The following MED16 variants were observed in gnomAD, a reference collection of about 807,000 sequenced individuals.
MED16 encodes mediator complex subunit 16.
A neutral mutation model predicts 84.4 loss-of-function variants in MED16; 81 were observed. That is an observed-to-expected ratio of 0.96 (90% CI 0.80 to 1.15). The LOEUF is 1.15. MED16 is among the 50% of genes most tolerant of loss of function. The pLI is 0.00. For synonymous variants in MED16, 897 were observed against 552.2 expected (o/e 1.62, Z -8.76); for missense variants, 1,585 against 1,245.9 (o/e 1.27, Z -4.10).
chr19:869,391 TG>T (rs1275554315), intron 13 of MED16, among the ~76,000 whole-genome samples: 1 of 123,542 alleles, frequency 8.1e-6, no homozygotes, highest in Non-Finnish European at 1.6e-5. Context: ...GACAAGATTC[TG>T]GTGGCAAAAG....
In MED16 at chr19:871,144, G is replaced by T; in HGVS notation, c.2208C>A (p.Asp736Glu). Residue 736 changes from aspartate (D) to glutamate (E), a missense_variant, in exon 13 of 16, where the codon GAC becomes GAA. Asp to Glu is a conservative substitution (Grantham distance 45). Coordinates refer to ENST00000325464, the MANE Select transcript of MED16 (RefSeq NM_005481.3). The stretch of plus-strand genomic sequence containing the variant: ...TGGGCTGCAGGCGGCTAACCAGGCC[G>T]TCGCTGGCTGGCAGCCAGTCCAGGC... ...IPSLDWLPAS[D>E]GLVSRLQPKQ... The T allele has an allele frequency of 6.5e-7, 1 of 1,548,174 alleles. No individual in the cohort carries two copies. The highest frequency in any genetic ancestry group is 8.7e-7 in the Non-Finnish European group (1 of 1,145,600).
intron 4 of MED16, 83 bp from the exon 5 acceptor site, chr19:886,284 G>A (rs1011163758): frequency 5.8e-6 from 7 of 1,215,208 alleles, no homozygotes; most frequent in Admixed American, 6.0e-5. Flanking sequence ...GCGCACAGAA[G>A]AACCACGCAG....
At chr19:884,839 CA>C (rs2036492861) in intron 6 of MED16, 63 bp downstream of exon 6, 2 of 1,365,932 alleles carry the variant, frequency 1.5e-6, no homozygotes, top group South Asian at 1.2e-5. Context: ...GACCTGCCTC[CA>C]AAATAAAAAC....
intron 8 of MED16, 70 bp from the exon 9 acceptor site, chr19:877,250 G>C: frequency 1.4e-6 from 2 of 1,476,724 alleles, no homozygotes; most frequent in Non-Finnish European, 1.8e-6. Context: ...GAGGAATGGG[G>C]CCCTGGGGCT....
intron 8 of MED16, among the ~76,000 whole-genome samples, chr19:878,216 T>C (rs1323319576): frequency 8.9e-6 from 1 of 111,874 alleles, no homozygotes; most frequent in East Asian, 3.0e-4. Flanking sequence ...CACCTTCCCC[T>C]GGTTGTCAAT....
intron 9 of MED16, 90 bp downstream of exon 9, chr19:876,878 GGCCCCC>G: frequency 7.8e-7 from 1 of 1,289,304 alleles, no homozygotes. Flanking sequence ...CCTGCCACGG[GGCCCCC>G]ACCTGCCACG....
rs1420188381 is a variant in MED16 at position 875,359 on chromosome 19, G to C, written c.1656C>G (p.Phe552Leu). The stretch of plus-strand genomic sequence containing the variant: ...TCAGGGTGGAGCTGATGGCGATGAG[G>C]AAGAGCTTGGTGTGGTAGTCGCACA... The part of the protein sequence containing the change: ...TRVCDYHTKL[F>L]LIAISSTLKS... The change falls in exon 10 of 16, where the codon TTC becomes TTG. Residue 552 changes from phenylalanine (F) to leucine (L), a missense_variant. Physicochemically the swap from Phe to Leu is conservative, Grantham distance 22. Coordinates refer to ENST00000325464, the MANE Select transcript of MED16 (RefSeq NM_005481.3). The C allele has an allele frequency of 1.9e-6, 3 of 1,610,214 alleles. No individual in the cohort carries two copies. The highest frequency in any genetic ancestry group is 1.7e-4 in the Middle Eastern group (1 of 6,050).
At chr19:871,542 G>T (rs532308414) in intron 12 of MED16, 10 of 1,581,686 alleles carry the variant, frequency 6.3e-6, no homozygotes, top group Non-Finnish European at 8.5e-6. Flanking sequence ...TGGGATGTAA[G>T]AATGACACAG....
chr19:889,084 T>G (rs1197688648), intron 4 of MED16, among the ~76,000 whole-genome samples: 1 of 115,218 alleles, frequency 8.7e-6, no homozygotes, highest in Non-Finnish European at 1.7e-5. Flanking sequence ...TACTCTTAAC[T>G]GTCCCCAACC....
At position 871,042 on chromosome 19, in the gene MED16, G is replaced by T; in HGVS notation, c.2310C>A (p.Leu770=). The part of the protein sequence containing the change: ...GSAATLQLDG[L]ARAPGQPKID... ...CAATGCAGGGACACACGCACCTGGC[G>T]AGGCCGTCGAGCTGCAGGGTGGCAG... Residue 770 remains leucine, a synonymous_variant, in exon 13 of 16, where the codon CTC becomes CTA. Coordinates refer to ENST00000325464, the MANE Select transcript of MED16 (RefSeq NM_005481.3). 6.5e-7 allele frequency: 1 copy of T among 1,542,256 alleles called. No individual in the cohort carries two copies. Among genetic ancestry groups the T allele is most frequent in the Non-Finnish European group, 8.8e-7 (1 of 1,141,844 alleles).
At chr19:892,998 C>T (rs141399595) in intron 1 of MED16, 88 bp downstream of exon 1, 9,650 of 152,758 alleles carry the variant, frequency 0.063, 875 homozygotes, top group East Asian at 0.45. Flanking sequence ...CCGCAGGCCC[C>T]GCCACGGCTG....
intron 4 of MED16, among the ~76,000 whole-genome samples, chr19:888,142 T>C (rs996989840): frequency 6.6e-6 from 1 of 151,550 alleles, no homozygotes; most frequent in Non-Finnish European, 1.5e-5. Flanking sequence ...AGGGAGAGGC[T>C]GCAGTGAGCC....
Position 889,678 on chromosome 19 carries a change from C to T in MED16, c.407G>A (p.Trp136Ter), listed in dbSNP as rs2145256000. Residue 136 changes from tryptophan to a stop codon, truncating the protein, a stop_gained, in exon 4 of 16, where the codon TGG becomes TAG. Coordinates refer to ENST00000325464, the MANE Select transcript of MED16 (RefSeq NM_005481.3). LOFTEE classifies it high-confidence loss of function. The stretch of plus-strand genomic sequence containing the variant: ...GGCCAGTTTCACACCATTGTGCAGC[C>T]AGGACAGGGCCACAATGGGGTCCCC... ...VEGDPIVALS[W>*]LHNGVKLALH... 1 of 1,613,848 alleles carries T rather than the reference C, an allele frequency of 6.2e-7. No homozygotes were observed. Among genetic ancestry groups the T allele is most frequent in the South Asian group, 1.1e-5 (1 of 91,072 alleles).
chr19:891,690 G>A (rs1485495784), intron 1 of MED16, among the ~76,000 whole-genome samples: 1 of 128,790 alleles, frequency 7.8e-6, no homozygotes, highest in Non-Finnish European at 1.6e-5. Context: ...ACCTGTGGCC[G>A]AGGCGGGGCT....
At chr19:890,114 G>A (rs1269105581) in intron 3 of MED16, 23 bp downstream of exon 3, 4 of 1,525,778 alleles carry the variant, frequency 2.6e-6, no homozygotes, top group Admixed American at 2.0e-5. Context: ...GCCACCCCTG[G>A]CCACGTGGGA....
intron 3 of MED16, 139 bp downstream of exon 3, chr19:889,998 G>A (rs1203058319): frequency 4.8e-6 from 4 of 835,264 alleles, no homozygotes; most frequent in Admixed American, 5.1e-5. Context: ...GGGCCACTAT[G>A]GAAAGAGCAG....
intron 6 of MED16, among the ~76,000 whole-genome samples, chr19:883,543 A>AC (rs2036463301): frequency 6.6e-6 from 1 of 151,896 alleles, no homozygotes; most frequent in Non-Finnish European, 1.5e-5. Flanking sequence ...TGTCCCAGTG[A>AC]CCCCCAGCTG....
intron 8 of MED16, among the ~76,000 whole-genome samples, chr19:878,432 A>AGCCCCGGCCCCGGCCCCGGCCCCG (rs1346022248): frequency 1.8e-4 from 2 of 11,240 alleles, no homozygotes; most frequent in Admixed American, 9.0e-4. Context: ...CACCAGCCCC[A>AGCCCCGGCCCCGGCCCCGGCCCCG]GCCCCGGCCC....
chr19:883,378 G>C (rs1276303410), intron 6 of MED16, among the ~76,000 whole-genome samples: 1 of 143,702 alleles, frequency 7.0e-6, no homozygotes, highest in Non-Finnish European at 1.5e-5. Context: ...TGGGGTGGTG[G>C]GTGAAGAGCT....
Sources: allele counts gnomAD v4.1 joint callset (sites outside exome capture counted in the v4.1 genomes callset), GRCh38; gene constraint gnomAD v4.1.1; transcripts MANE v1.5; gene names NCBI Gene and HGNC (gene_info 2026-07-23, HGNC 2026-07-21).